ABI3: variants seen among roughly 807,000 people sequenced by gnomAD.
ABI3 encodes ABI gene family member 3.
In ABI3, 24 loss-of-function variants were observed where a neutral mutation model predicts 37.0. That is an observed-to-expected ratio of 0.65 (90% CI 0.47 to 0.91). The LOEUF is 0.91. Among genes scored for constraint, ABI3 ranks in the 40% least tolerant of loss-of-function variants. The probability of loss-of-function intolerance (pLI) is 0.00; values close to 1 mark genes in which losing one functional copy is unlikely to be tolerated. For missense variants in ABI3, 481 were observed against 485.1 expected, an observed-to-expected ratio of 0.99 and a Z score of 0.08; for synonymous variants, 220 against 211.8, an observed-to-expected ratio of 1.04 and a Z score of -0.34.
chr17:49,211,140 C>G (rs61665126), intron 1 of ABI3, among the ~76,000 whole-genome samples: 1 of 152,346 alleles, frequency 6.6e-6, no homozygotes, highest in African/African-American at 2.4e-5. Flanking sequence ...TGAGTTCCCA[C>G]GGGTCAATCC....
At chr17:49,216,952 T>A (rs1425897128) in intron 2 of ABI3, among the ~76,000 whole-genome samples, 1 of 152,258 alleles carries the variant, frequency 6.6e-6, no homozygotes, top group East Asian at 1.9e-4. Flanking sequence ...TATCTACCAA[T>A]CACAGCAGCG....
chr17:49,220,414 C>G, intron 6 of ABI3, 88 bp downstream of exon 6: 1 of 1,471,410 alleles, frequency 6.8e-7, no homozygotes, highest in Non-Finnish European at 9.1e-7. Context: ...GGATCTGCCC[C>G]GGCCAGCCTC....
At chr17:49,217,561 G>T (rs2043232482) in intron 2 of ABI3, among the ~76,000 whole-genome samples, 178 bp from the exon 3 acceptor site, 5 of 137,968 alleles carry the variant, frequency 3.6e-5, no homozygotes, top group Admixed American at 1.5e-4. Flanking sequence ...ATCCTTTCCT[G>T]CTACTTTTCC....
intron 1 of ABI3, among the ~76,000 whole-genome samples, chr17:49,212,686 T>A (rs2043181273): frequency 6.6e-6 from 1 of 152,160 alleles, no homozygotes; most frequent in Non-Finnish European, 1.5e-5. Context: ...AAAGGTTAAG[T>A]CACTTTCCCA....
At chr17:49,214,960 T>C (rs2043205388) in intron 1 of ABI3, among the ~76,000 whole-genome samples, 1 of 152,210 alleles carries the variant, frequency 6.6e-6, no homozygotes. Context: ...CTCCCTGCTC[T>C]CATGACACTT....
chr17:49,220,387 C>G (rs1442914454), intron 6 of ABI3, 61 bp downstream of exon 6: 8 of 1,516,436 alleles, frequency 5.3e-6, no homozygotes, highest in Non-Finnish European at 5.3e-6. Context: ...CCTGCCACTC[C>G]CCAGCCCACC....
At position 49,219,668 on chromosome 17, in the gene ABI3, C is replaced by G; in HGVS notation, c.548+43C>G. Reference sequence around the variant, plus strand: ...CGCCAACTAGCCTAGCCCTGCCCCGCGCGACCCTGAAACTCTCCTCCCCCA... The same window carrying G: ...CGCCAACTAGCCTAGCCCTGCCCCGGGCGACCCTGAAACTCTCCTCCCCCA... On this transcript the variant is annotated intron_variant, in intron 4 of 7. Coordinates refer to ENST00000225941, the MANE Select transcript of ABI3 (RefSeq NM_016428.3). The surrounding 1 kb of genome is among the most constrained non-coding windows in gnomAD (Gnocchi z 4.3). 6.5e-7 allele frequency: 1 copy of G among 1,534,814 alleles called. No homozygotes were observed. The highest frequency in any genetic ancestry group is 8.9e-7 in the Non-Finnish European group (1 of 1,129,208).
Position 49,219,763 on chromosome 17 carries a change from C to T in ABI3, c.549-95C>T. On this transcript the variant is annotated intron_variant, in intron 4 of 7. Coordinates refer to ENST00000225941, the MANE Select transcript of ABI3 (RefSeq NM_016428.3). This position sits in a 1 kb window ranked among gnomAD's most constrained non-coding sequence, Gnocchi z 4.3. ...TGCTGGATGCCTGGCGCCAAACCTC[C>T]CCCTCGGCCACCTGCCCTTCCTGCT... The T allele has an allele frequency of 7.0e-7, 1 of 1,435,562 alleles. No homozygotes were observed. Among genetic ancestry groups the T allele is most frequent in the Non-Finnish European group, 9.5e-7 (1 of 1,053,742 alleles). The allele number at this position is 1,435,562 out of a possible 1,614,324, so 88.9% of individuals were successfully genotyped here.
rs530493979 is a variant in ABI3, at chr17:49,220,320, C to G, written c.796C>G (p.Pro266Ala). 1 of 1,584,796 alleles carries G rather than the reference C, an allele frequency of 6.3e-7. No homozygotes were observed. Among genetic ancestry groups the G allele is most frequent in the South Asian group, 1.1e-5 (1 of 87,286 alleles). ...CACGCTGGAGGAGTTGTCCCCACCC[C>G]CACCGGGTAAGGAGGTCCACCCTCT... is the stretch of plus-strand genomic sequence containing the variant. ...PPTLEELSPP[P>A]PDEELPLPLD... The change falls in exon 6 of 8, where the codon CCA becomes GCA. Residue 266 changes from proline to alanine, a missense_variant. Physicochemically the swap from Pro to Ala is conservative, Grantham distance 27. Coordinates refer to ENST00000225941, the MANE Select transcript of ABI3 (RefSeq NM_016428.3).
At chr17:49,216,005 G>C (rs1022421757) in intron 1 of ABI3, among the ~76,000 whole-genome samples, 1 of 151,690 alleles carries the variant, frequency 6.6e-6, no homozygotes, top group Non-Finnish European at 1.5e-5. Flanking sequence ...CAACTACTTG[G>C]GAGGCTGAGG....
At position 49,219,605 on chromosome 17, in the gene ABI3, A is replaced by G; in HGVS notation, c.528A>G (p.Thr176=). Residue 176 remains threonine (T), a synonymous_variant, in exon 4 of 8, where the codon ACA becomes ACG. Transcript: ENST00000225941. The surrounding 1 kb of genome is among the most constrained non-coding windows in gnomAD (Gnocchi z 4.3). ...GAAAGAGCATCAAGGCCCCTGCCAC[A>G]CCCGCCTCCGCCACCTTGGGGTGAG... ...LSRKSIKAPA[T]PASATLGRPP... 6.3e-7 allele frequency: 1 copy of G among 1,594,840 alleles called. No homozygotes were observed. Among genetic ancestry groups the G allele is most frequent in the East Asian group, 2.3e-5 (1 of 43,524 alleles).
chr17:49,215,027 C>T (rs1195710440), intron 1 of ABI3, among the ~76,000 whole-genome samples: 1 of 152,160 alleles, frequency 6.6e-6, no homozygotes, highest in African/African-American at 2.4e-5. Flanking sequence ...ATGTTTGATA[C>T]TGCTAAATAC....
At position 49,219,977 on chromosome 17, in the gene ABI3, G is replaced by A; in HGVS notation, c.644+24G>A. 1 of 1,247,470 alleles carries A rather than the reference G, an allele frequency of 8.0e-7. No individual in the cohort carries two copies. The highest frequency in any genetic ancestry group is 1.1e-6 in the Non-Finnish European group (1 of 880,872). 77.3% of individuals were successfully genotyped at this position (1,247,470 alleles called of 1,614,324 possible). ...GGGTGAGACCTACAAGCCCACGTGGGTGGGTGGGGGGTGGGAAGTGGCTTT... is the reference window on the plus strand; with the variant it reads ...GGGTGAGACCTACAAGCCCACGTGGATGGGTGGGGGGTGGGAAGTGGCTTT... On this transcript the variant is annotated intron_variant, in intron 5 of 7. Coordinates refer to ENST00000225941, the MANE Select transcript of ABI3 (RefSeq NM_016428.3). The surrounding 1 kb of genome is among the most constrained non-coding windows in gnomAD (Gnocchi z 4.3).
rs371444697 is a variant in ABI3, at chr17:49,216,622, G to A, written c.209G>A (p.Gly70Glu). ...SVAYQVGNLAGHTLRMLDLQG... is the reference protein window; with the variant it reads ...SVAYQVGNLAEHTLRMLDLQG... ...GCCTACCAGGTGGGCAACCTGGCCGGGCACACTCTGCGCATGTTGGACCTG... is the reference window on the plus strand; with the variant it reads ...GCCTACCAGGTGGGCAACCTGGCCGAGCACACTCTGCGCATGTTGGACCTG... The change falls in exon 2 of 8, where the codon GGG becomes GAG. Residue 70 changes from glycine to glutamate, a missense_variant. Transcript: ENST00000225941. 1.4e-5 allele frequency: 23 copies of A among 1,611,724 alleles called. No individual in the cohort carries two copies. The highest frequency in any genetic ancestry group is 2.0e-5 in the Non-Finnish European group (23 of 1,179,210).
rs1335535352 is a variant in ABI3, at chr17:49,219,500, C to T, written c.463-40C>T. 3 of 1,526,794 alleles carry T rather than the reference C, an allele frequency of 2.0e-6. No individual in the cohort carries two copies. Among genetic ancestry groups the T allele is most frequent in the Non-Finnish European group, 2.7e-6 (3 of 1,123,538 alleles). 94.6% of individuals were successfully genotyped at this position (1,526,794 alleles called of 1,614,324 possible). ...TGGGGATGAGGGTGGAGGGAGGCCC[C>T]TCACCCCAAATGTAAGCCCTACCTC... On this transcript the variant is annotated intron_variant, in intron 3 of 7. Coordinates refer to ENST00000225941, the MANE Select transcript of ABI3 (RefSeq NM_016428.3). The surrounding 1 kb of genome is among the most constrained non-coding windows in gnomAD (Gnocchi z 4.3).
intron 1 of ABI3, among the ~76,000 whole-genome samples, chr17:49,213,977 G>T (rs1219257161): frequency 1.3e-5 from 2 of 152,226 alleles, no homozygotes; most frequent in Non-Finnish European, 2.9e-5. Flanking sequence ...CTATGCTGAG[G>T]AGATGTAAGT....
chr17:49,212,316 G>A (rs1177428720), intron 1 of ABI3, among the ~76,000 whole-genome samples: 2 of 152,088 alleles, frequency 1.3e-5, no homozygotes, highest in African/African-American at 2.4e-5. Context: ...CACGCTATGT[G>A]ACTTTACGAC....
In ABI3 at chr17:49,222,880, G is replaced by C. The variant is rs1359173526; in HGVS notation, c.*165G>C. 4.9e-6 allele frequency: 4 copies of C among 813,662 alleles called. No individual in the cohort carries two copies. The highest frequency in any genetic ancestry group is 1.9e-5 in the South Asian group (1 of 51,646). The allele number at this position is 813,662 out of a possible 1,614,324, so 50.4% of individuals were successfully genotyped here. On this transcript the variant is annotated 3_prime_UTR_variant, in exon 8 of 8. Transcript: ENST00000225941. ...GGAGGGAGAAGGGGTCCTGGGGAGA[G>C]AGAATTTATCCAGAGGCCTGCTGCA...
chr17:49,221,988 C>A (rs373238952), intron 6 of ABI3, 103 bp from the exon 7 acceptor site: 40 of 1,413,816 alleles, frequency 2.8e-5, no homozygotes, highest in Non-Finnish European at 1.6e-5. Flanking sequence ...CAACGTGCCT[C>A]GCTGAGATGG....
Sources: gnomAD v4.1 joint callset for allele counts (sites outside exome capture counted in the v4.1 genomes callset) on GRCh38, gnomAD v4.1.1 for gene constraint, Gnocchi (gnomAD v3.1) non-coding constraint, MANE v1.5 for transcripts, NCBI Gene and HGNC (gene_info 2026-07-23, HGNC 2026-07-21) for gene names.